Variants in TMEM127 observed in about 807,000 individuals in gnomAD.
TMEM127 encodes the protein transmembrane protein 127.
TMEM127 carries 21 observed loss-of-function variants against 20.1 expected under a neutral mutation model. The observed-to-expected ratio is 1.04, with a 90% confidence interval of 0.74 to 1.50. The LOEUF (loss-of-function observed/expected upper bound fraction) is 1.50, where lower values mean the gene tolerates loss of function less well. Among genes scored for constraint, TMEM127 ranks in the 40% most tolerant of loss-of-function variants. The pLI, the probability that TMEM127 is intolerant of heterozygous loss-of-function variation, is 0.00. For synonymous variants in TMEM127, 150 were observed against 144.7 expected (o/e 1.04, Z -0.26); for missense variants, 303 against 317.4 (o/e 0.95, Z 0.34).
chr2:96,251,579 G>A lies in TMEM127; in HGVS notation c.*2229C>T, dbSNP rs1573967307. ...TCATCAACATCTCCTGCTTCTCTGA[G>A]ACAAAGGGAACAAACCAAATCAGGA... On this transcript the variant is annotated 3_prime_UTR_variant, in exon 4 of 4. Coordinates refer to ENST00000258439, the MANE Select transcript of TMEM127 (RefSeq NM_017849.4). 3 of 232,952 alleles carry A rather than the reference G, an allele frequency of 1.3e-5. No homozygotes were observed. The East Asian group carries it at 1.8e-4, about 14-fold the overall frequency. The allele number at this position is 232,952 out of a possible 1,614,324, so 14.4% of individuals were successfully genotyped here.
chr2:96,260,431 A>G (rs1684292418), intron 2 of TMEM127: 1 of 152,240 alleles, frequency 6.6e-6, no homozygotes, highest in Non-Finnish European at 1.5e-5. Flanking sequence ...GCAGGACCCT[A>G]ACTTGAAATT....
chr2:96,257,705 G>A (rs549285815), intron 2 of TMEM127, among the ~76,000 whole-genome samples: 10 of 152,306 alleles, frequency 6.6e-5, no homozygotes, highest in Admixed American at 2.0e-4. Context: ...CCTGAGGTCA[G>A]CAGTTTGAGA....
At chr2:96,264,057 C>T (rs1167612894) in intron 2 of TMEM127, among the ~76,000 whole-genome samples, 1 of 152,170 alleles carries the variant, frequency 6.6e-6, no homozygotes, top group Admixed American at 6.5e-5. Flanking sequence ...ACAAAATCAC[C>T]CTACAGCTTC....
At chr2:96,260,773 T>TA (rs1289992133) in intron 2 of TMEM127, among the ~76,000 whole-genome samples, 1 of 152,184 alleles carries the variant, frequency 6.6e-6, no homozygotes, top group Non-Finnish European at 1.5e-5. Context: ...CCCTCTGAAT[T>TA]AGAGACACTT....
Position 96,261,063 on chromosome 2 carries a change from T to C in TMEM127, c.244+4075A>G, listed in dbSNP as rs116802731. ...ATTCACCTGACTTCTACTCCCCAAC[T>C]TCCTCATTCTCCAAAGATGCTTCCT... On this transcript the variant is annotated intron_variant, in intron 2 of 3. Transcript: ENST00000258439. Among the ~76,000 whole-genome samples, 954 of 152,290 alleles carry C rather than the reference T, an allele frequency of 6.3e-3. 11 individuals are homozygous for C. The highest frequency in any genetic ancestry group is 0.022 in the African/African-American group (912 of 41,548).
intron 2 of TMEM127, among the ~76,000 whole-genome samples, chr2:96,259,174 C>A (rs557633282): frequency 6.6e-6 from 1 of 152,312 alleles, no homozygotes; most frequent in Non-Finnish European, 1.5e-5. Context: ...GTTGGAGGGG[C>A]CTTGTATACC....
Position 96,253,638 on chromosome 2 carries a change from A to T in TMEM127, c.*170T>A. 2 of 692,520 alleles carry T rather than the reference A, an allele frequency of 2.9e-6. No individual in the cohort carries two copies. Among genetic ancestry groups the T allele is most frequent in the Non-Finnish European group, 4.8e-6 (2 of 420,982 alleles). The allele number at this position is 692,520 out of a possible 1,614,324, so 42.9% of individuals were successfully genotyped here. A position where few individuals can be genotyped will look rare whatever the true frequency, so the allele number is the denominator to read the frequency against. ...AAACCAGTGGACCTCCGGTTCTGAG[A>T]GCAGGGATACTTGGATGACCCTAAA... On this transcript the variant is annotated 3_prime_UTR_variant, in exon 4 of 4. Coordinates refer to ENST00000258439, the MANE Select transcript of TMEM127 (RefSeq NM_017849.4). This position sits in a 1 kb window ranked among gnomAD's most constrained non-coding sequence, Gnocchi z 4.3.
At chr2:96,263,221 A>C (rs1359007366) in intron 2 of TMEM127, among the ~76,000 whole-genome samples, 1 of 151,538 alleles carries the variant, frequency 6.6e-6, no homozygotes, top group African/African-American at 2.4e-5. Flanking sequence ...CACCCAGCTA[A>C]TTTTTGTATT....
In TMEM127 at chr2:96,248,704, T is replaced by C. The variant is rs1684021775; in HGVS notation, c.*5104A>G. Reference sequence around the variant, plus strand: ...TACACAAGGAGGCCCTTTACAAGGCTAGCTGCCATTTTCTACCAAGACAGA... The same window carrying C: ...TACACAAGGAGGCCCTTTACAAGGCCAGCTGCCATTTTCTACCAAGACAGA... On this transcript the variant is annotated 3_prime_UTR_variant, in exon 4 of 4. Coordinates refer to ENST00000258439, the MANE Select transcript of TMEM127 (RefSeq NM_017849.4). 2 of 227,734 alleles carry C rather than the reference T, an allele frequency of 8.8e-6. No individual in the cohort carries two copies. Among genetic ancestry groups the C allele is most frequent in the Non-Finnish European group, 1.7e-5 (2 of 114,664 alleles). The allele number at this position is 227,734 out of a possible 1,614,324, so 14.1% of individuals were successfully genotyped here. A position where few individuals can be genotyped will look rare whatever the true frequency, so the allele number is the denominator to read the frequency against.
At position 96,250,940 on chromosome 2, in the gene TMEM127, A is replaced by G. The variant is rs978610459; in HGVS notation, c.*2868T>C. On this transcript the variant is annotated 3_prime_UTR_variant, in exon 4 of 4. Coordinates refer to ENST00000258439, the MANE Select transcript of TMEM127 (RefSeq NM_017849.4). The stretch of plus-strand genomic sequence containing the variant: ...TAAATAAAATTTAAACAATAGAGGG[A>G]AAAAAAGTGTAGTTTGTTCTGCAAG... The G allele has an allele frequency of 1.3e-5, 3 of 228,514 alleles. No individual in the cohort carries two copies. The highest frequency in any genetic ancestry group is 2.6e-5 in the Non-Finnish European group (3 of 115,086). The allele number at this position is 228,514 out of a possible 1,614,324, so 14.2% of individuals were successfully genotyped here.
In TMEM127 at chr2:96,250,422, G is replaced by A. The variant is rs561829216; in HGVS notation, c.*3386C>T. 3.0e-5 allele frequency: 7 copies of A among 232,560 alleles called. No homozygotes were observed. The highest frequency in any genetic ancestry group is 3.6e-4 in the South Asian group (2 of 5,522). The allele number at this position is 232,560 out of a possible 1,614,324, so 14.4% of individuals were successfully genotyped here. On this transcript the variant is annotated 3_prime_UTR_variant, in exon 4 of 4. Coordinates refer to ENST00000258439, the MANE Select transcript of TMEM127 (RefSeq NM_017849.4). ...GGCACAGGACTTTTCCGAGCCGGCC[G>A]CCCACTTCACTCTGCCTTTCTGTGG...
In TMEM127 at chr2:96,250,851, G is replaced by A. The variant is rs1386410313; in HGVS notation, c.*2957C>T. 4.3e-6 allele frequency: 1 copy of A among 231,622 alleles called. No individual in the cohort carries two copies. The highest frequency in any genetic ancestry group is 8.5e-6 in the Non-Finnish European group (1 of 117,084). 14.3% of individuals were successfully genotyped at this position (231,622 alleles called of 1,614,324 possible). On this transcript the variant is annotated 3_prime_UTR_variant, in exon 4 of 4. Transcript: ENST00000258439. The stretch of plus-strand genomic sequence containing the variant: ...TACCTATGGTTTCAAAGAAAGTGCA[G>A]TTTCTAGGGAGTGAAGGAACACGTG...
rs1684078597 is a variant in TMEM127, at chr2:96,251,135, T to A, written c.*2673A>T. On this transcript the variant is annotated 3_prime_UTR_variant, in exon 4 of 4. Coordinates refer to ENST00000258439, the MANE Select transcript of TMEM127 (RefSeq NM_017849.4). ...AGCTGTTCTAGAAAGACCTAGAAAC[T>A]TCCTGTGTGAAAACAGGATTAGGAA... 4.6e-6 allele frequency: 1 copy of A among 216,024 alleles called. No homozygotes were observed. Among genetic ancestry groups the A allele is most frequent in the South Asian group, 1.9e-4 (1 of 5,380 alleles). 13.4% of individuals were successfully genotyped at this position (216,024 alleles called of 1,614,324 possible). A position where few individuals can be genotyped will look rare whatever the true frequency, so the allele number is the denominator to read the frequency against.
At chr2:96,261,342 G>A (rs1300604266) in intron 2 of TMEM127, among the ~76,000 whole-genome samples, 10 of 151,626 alleles carry the variant, frequency 6.6e-5, no homozygotes, top group Admixed American at 2.6e-4. Context: ...GAGGCACGAC[G>A]ATAGTTCACT....
At chr2:96,262,067 C>T (rs1684321607) in intron 2 of TMEM127, among the ~76,000 whole-genome samples, 1 of 152,104 alleles carries the variant, frequency 6.6e-6, no homozygotes, top group Non-Finnish European at 1.5e-5. Context: ...TTGAGATCAG[C>T]CTGGTCAACA....
At chr2:96,256,803 C>A (rs1684217024) in intron 2 of TMEM127, among the ~76,000 whole-genome samples, 1 of 152,040 alleles carries the variant, frequency 6.6e-6, no homozygotes, top group Non-Finnish European at 1.5e-5. Flanking sequence ...TTTTAAAAGG[C>A]AACCCACACA....
At position 96,265,929 on chromosome 2, in the gene TMEM127, G is replaced by A; in HGVS notation, c.-192C>T. 5.8e-6 allele frequency: 1 copy of A among 171,472 alleles called. No individual in the cohort carries two copies. Among genetic ancestry groups the A allele is most frequent in the Non-Finnish European group, 1.2e-5 (1 of 80,924 alleles). 10.6% of individuals were successfully genotyped at this position (171,472 alleles called of 1,614,324 possible). A position where few individuals can be genotyped will look rare whatever the true frequency, so the allele number is the denominator to read the frequency against. ...CAGCCCAGTCACGGGCTTCTCGGCT[G>A]CCGGGGGCCGAGCGTTCCCAGGCCC... On this transcript the variant is annotated 5_prime_UTR_variant, in exon 1 of 4. Coordinates refer to ENST00000258439, the MANE Select transcript of TMEM127 (RefSeq NM_017849.4).
chr2:96,265,001 C>G, intron 2 of TMEM127, 137 bp downstream of exon 2: 1 of 1,421,646 alleles, frequency 7.0e-7, no homozygotes, highest in Non-Finnish European at 9.6e-7. Flanking sequence ...AACAGAGCCA[C>G]CTGGTGGGCA....
At chr2:96,258,091 G>C (rs1442950267) in intron 2 of TMEM127, among the ~76,000 whole-genome samples, 1 of 152,204 alleles carries the variant, frequency 6.6e-6, no homozygotes, top group Admixed American at 6.5e-5. Flanking sequence ...CTGAGAGGGT[G>C]TGGGGTGTGA....
Sources: allele counts gnomAD v4.1 joint callset (sites outside exome capture counted in the v4.1 genomes callset), GRCh38; gene constraint gnomAD v4.1.1; non-coding constraint Gnocchi (gnomAD v3.1); transcripts MANE v1.5; gene names NCBI Gene and HGNC (gene_info 2026-07-23, HGNC 2026-07-21).